The following JPH3 variants were observed in gnomAD, a reference collection of about 807,000 sequenced individuals.
JPH3 encodes junctophilin 3.
Under a neutral mutation model 59.6 loss-of-function variants are expected in JPH3, and 11 were observed. The observed-to-expected ratio is 0.18, with a 90% CI of 0.12 to 0.31. The LOEUF (loss-of-function observed/expected upper bound fraction) is 0.31. JPH3 is among the 10% of genes least tolerant of loss of function. JPH3 has a pLI of 1.00. For synonymous variants in JPH3, 673 were observed against 483.6 expected (o/e 1.39, Z -5.14); for missense variants, 1,202 against 1,105.7 (o/e 1.09, Z -1.24).
At chr16:87,607,100 C>T (rs1245716228) in intron 1 of JPH3, among the ~76,000 whole-genome samples, 2 of 152,216 alleles carry the variant, frequency 1.3e-5, no homozygotes, top group East Asian at 1.9e-4. Context: ...TCGTTTATAT[C>T]TCTCGTTCTC....
intron 1 of JPH3, among the ~76,000 whole-genome samples, chr16:87,618,918 A>G (rs1177855644): frequency 6.6e-6 from 1 of 152,146 alleles, no homozygotes; most frequent in East Asian, 1.9e-4. Flanking sequence ...GCAAAACTGC[A>G]TCTCTACTAA....
At chr16:87,677,660 C>T (rs1049837914) in intron 2 of JPH3, among the ~76,000 whole-genome samples, 4 of 152,144 alleles carry the variant, frequency 2.6e-5, no homozygotes, top group Non-Finnish European at 4.4e-5. Flanking sequence ...CGCCAGCTGA[C>T]GGTGCTGTCC....
rs1205689657 is a variant in JPH3 at position 87,690,460 on chromosome 16, C to T, written c.2100C>T (p.Pro700=). Residue 700 remains proline, a synonymous_variant, in exon 4 of 5, where the codon CCC becomes CCT. Transcript: ENST00000284262. ...GTTGGGACTTGACCTTCTCCCCGCC[C>T]CAGAAATCCTTGCCTGTCGCTCTAG... The part of the protein sequence containing the change: ...LLRWDLTFSP[P]QKSLPVALES... 1.3e-6 allele frequency: 2 copies of T among 1,487,012 alleles called. No individual in the cohort carries two copies. Among genetic ancestry groups the T allele is most frequent in the East Asian group, 4.8e-5 (2 of 41,840 alleles). The allele number at this position is 1,487,012 out of a possible 1,614,324, so 92.1% of individuals were successfully genotyped here.
At chr16:87,619,784 C>A (rs1000242707) in intron 1 of JPH3, among the ~76,000 whole-genome samples, 1 of 152,186 alleles carries the variant, frequency 6.6e-6, no homozygotes, top group Admixed American at 6.5e-5. Flanking sequence ...CCTAGGACTT[C>A]TTGGTTGGGG....
chr16:87,645,584 C>T (rs137909847), intron 2 of JPH3, among the ~76,000 whole-genome samples: 2,027 of 152,286 alleles, frequency 0.013, 47 homozygotes, highest in African/African-American at 0.046. Context: ...GCTTTGGGGG[C>T]AGCCGCTGTT....
chr16:87,677,225 C>CACACA (rs1271128667), intron 2 of JPH3, among the ~76,000 whole-genome samples: 5 of 81,640 alleles, frequency 6.1e-5, no homozygotes, highest in African/African-American at 2.2e-4. Flanking sequence ...CACACACACA[C>CACACA]AAAAAAAAAA....
chr16:87,642,362 A>G (rs989640242), intron 1 of JPH3, among the ~76,000 whole-genome samples: 2 of 152,202 alleles, frequency 1.3e-5, no homozygotes, highest in African/African-American at 4.8e-5. Flanking sequence ...AGCTGCTGCC[A>G]GCTCCTGTCC....
intron 1 of JPH3, among the ~76,000 whole-genome samples, chr16:87,631,587 T>C (rs1597247425): frequency 3.9e-5 from 6 of 152,188 alleles, no homozygotes; most frequent in Admixed American, 3.9e-4. Flanking sequence ...TCTCCCCTCA[T>C]TGTGTGGTAT....
rs949602734 is a variant in JPH3 at position 87,611,550 on chromosome 16, C to T, written c.382+8022C>T. 2.0e-5 allele frequency among the ~76,000 whole-genome samples: 3 copies of T among 152,188 alleles called. No homozygotes were observed. The highest frequency in any genetic ancestry group is 6.5e-5 in the Admixed American group (1 of 15,280). Reference sequence around the variant, plus strand: ...GGTATTGTTCTGGACCCAGGGAAGGCTCGCTGGTGCAAATGCTTTCCAAAA... The same window carrying T: ...GGTATTGTTCTGGACCCAGGGAAGGTTCGCTGGTGCAAATGCTTTCCAAAA... On this transcript the variant is annotated intron_variant, in intron 1 of 4. Coordinates refer to ENST00000284262, the MANE Select transcript of JPH3 (RefSeq NM_020655.4). The surrounding 1 kb of genome is among the most constrained non-coding windows in gnomAD (Gnocchi z 4.5).
At chr16:87,645,068 G>C (rs1264104101) in intron 2 of JPH3, 33 bp downstream of exon 2, 1 of 1,573,954 alleles carries the variant, frequency 6.4e-7, no homozygotes, top group African/African-American at 1.3e-5. Context: ...GGCCCTTCTT[G>C]GTGCCCAGAA....
At chr16:87,682,195 C>T (rs376083151) in intron 2 of JPH3, among the ~76,000 whole-genome samples, 2 of 151,980 alleles carry the variant, frequency 1.3e-5, no homozygotes, top group Non-Finnish European at 2.9e-5. Context: ...GTTTATATTA[C>T]TCTCTGTATG....
Position 87,603,488 on chromosome 16 carries a change from G to T in JPH3, c.342G>T (p.Gly114=), listed in dbSNP as rs966108189. The T allele has an allele frequency of 6.4e-7, 1 of 1,553,108 alleles. No homozygotes were observed. Among genetic ancestry groups the T allele is most frequent in the East Asian group, 2.4e-5 (1 of 40,874 alleles). ...AATACGAAGGGACCTGGAGCAACGG[G>T]CTGCAGGACGGCTACGGGACCGAGA... ...GAKYEGTWSN[G]LQDGYGTETY... is the part of the protein sequence containing the mutation. The change falls in exon 1 of 5, where the codon GGG becomes GGT. Residue 114 remains glycine (G), a synonymous_variant. Coordinates refer to ENST00000284262, the MANE Select transcript of JPH3 (RefSeq NM_020655.4).
chr16:87,606,155 A>G (rs1329924378), intron 1 of JPH3, among the ~76,000 whole-genome samples: 3 of 152,182 alleles, frequency 2.0e-5, no homozygotes, highest in African/African-American at 2.4e-5. Flanking sequence ...TTCCCAGTCA[A>G]CTGGTGGGTG....
chr16:87,679,393 G>C (rs1209627419), intron 2 of JPH3, among the ~76,000 whole-genome samples: 5 of 152,172 alleles, frequency 3.3e-5, no homozygotes, highest in Non-Finnish European at 4.4e-5. Context: ...ACCCAGCCTG[G>C]GTCAGGTCTG....
At chr16:87,642,195 A>G (rs144076966) in intron 1 of JPH3, among the ~76,000 whole-genome samples, 1 of 143,388 alleles carries the variant, frequency 7.0e-6, no homozygotes, top group Non-Finnish European at 1.5e-5. Flanking sequence ...CTTAGTTTGG[A>G]TCCCACCCTC....
intron 2 of JPH3, among the ~76,000 whole-genome samples, chr16:87,647,552 C>T (rs988008655): frequency 1.3e-5 from 2 of 152,196 alleles, no homozygotes; most frequent in African/African-American, 4.8e-5. Context: ...GGAGTCCGAG[C>T]TGACTCCGTC....
At chr16:87,651,581 C>G (rs530123250) in intron 2 of JPH3, among the ~76,000 whole-genome samples, 2 of 152,310 alleles carry the variant, frequency 1.3e-5, no homozygotes, top group Middle Eastern at 3.4e-3. Flanking sequence ...TTTAGGGGCT[C>G]AAGACTTCAG....
In JPH3 at chr16:87,696,586, G is replaced by T. The variant is rs771928238; in HGVS notation, c.2173G>T (p.Ala725Ser). The change falls in exon 5 of 5, where the codon GCG becomes TCG. Residue 725 changes from alanine to serine, a missense_variant. Ala to Ser is a moderately conservative substitution (Grantham distance 99). Transcript: ENST00000284262. ...GDELKSSTGS[A>S]PILVVMVILL... ...TCCCCTCGCTCTCTTCCAGGGCTCA[G>T]CGCCTATCCTGGTGGTCATGGTGAT... 2 of 1,613,316 alleles carry T rather than the reference G, an allele frequency of 1.2e-6. No individual in the cohort carries two copies. The highest frequency in any genetic ancestry group is 4.5e-5 in the East Asian group (2 of 44,876).
chr16:87,685,003 C>T (rs554786638), intron 3 of JPH3, among the ~76,000 whole-genome samples: 10 of 152,294 alleles, frequency 6.6e-5, no homozygotes, highest in Non-Finnish European at 1.3e-4. Context: ...CCCCTCAACC[C>T]GAGCTCTGAC....
Sources: allele counts gnomAD v4.1 joint callset (sites outside exome capture counted in the v4.1 genomes callset), GRCh38; gene constraint gnomAD v4.1.1; non-coding constraint Gnocchi (gnomAD v3.1); transcripts MANE v1.5; gene names NCBI Gene and HGNC (gene_info 2026-07-23, HGNC 2026-07-21).